Variants in NOL4 observed in about 807,000 individuals in gnomAD.
The protein encoded by NOL4 is nucleolar protein 4.
In NOL4, 17 loss-of-function variants were observed where a neutral mutation model predicts 75.9. That is an observed-to-expected ratio of 0.22 (90% CI 0.15 to 0.34). The LOEUF (loss-of-function observed/expected upper bound fraction) is 0.34. Among genes scored for constraint, NOL4 ranks in the 10% least tolerant of loss-of-function variants. The probability of loss-of-function intolerance (pLI) is 1.00; values close to 1 mark genes in which losing one functional copy is unlikely to be tolerated. For synonymous variants in NOL4, 292 were observed against 289.9 expected (o/e 1.01, Z -0.07); for missense variants, 614 against 793.5 (o/e 0.77, Z 2.72).
intron 1 of NOL4, among the ~76,000 whole-genome samples, chr18:34,159,479 G>C (rs1470451053): frequency 2.0e-5 from 3 of 152,152 alleles, no homozygotes; most frequent in Non-Finnish European, 2.9e-5. Flanking sequence ...CCTGATCCGT[G>C]GATGCCGCCG....
chr18:34,076,761 C>T (rs2077762324), intron 5 of NOL4, among the ~76,000 whole-genome samples: 1 of 152,162 alleles, frequency 6.6e-6, no homozygotes, highest in Non-Finnish European at 1.5e-5. Flanking sequence ...AATGGTAAAT[C>T]ATATTGAATA....
chr18:33,904,352 A>G (rs1484087760), intron 9 of NOL4, among the ~76,000 whole-genome samples: 1 of 151,940 alleles, frequency 6.6e-6, no homozygotes, highest in East Asian at 1.9e-4. Flanking sequence ...AAAAAGTAGA[A>G]TCCTATGTCC....
chr18:34,071,632 C>T (rs1001283410), intron 5 of NOL4, among the ~76,000 whole-genome samples: 9 of 152,266 alleles, frequency 5.9e-5, no homozygotes, highest in African/African-American at 1.9e-4. Flanking sequence ...ATACTCAACA[C>T]TTTATTATAA....
chr18:33,889,859 A>G (rs150566103), intron 9 of NOL4, among the ~76,000 whole-genome samples: 2,169 of 152,294 alleles, frequency 0.014, 52 homozygotes, highest in African/African-American at 0.049. Flanking sequence ...AAAAACTCTC[A>G]ATAAACTAGG....
At chr18:34,202,199 C>G (rs2035791421) in intron 1 of NOL4, among the ~76,000 whole-genome samples, 1 of 151,790 alleles carries the variant, frequency 6.6e-6, no homozygotes, top group African/African-American at 2.4e-5. Flanking sequence ...TAAGCACTTG[C>G]TCTGAGTTAG....
intron 5 of NOL4, among the ~76,000 whole-genome samples, chr18:34,046,659 A>G (rs1268003220): frequency 1.2e-5 from 1 of 85,064 alleles, no homozygotes; most frequent in African/African-American, 4.2e-5. Flanking sequence ...TTACTCTGCT[A>G]TCTCAATAAA....
intron 1 of NOL4, among the ~76,000 whole-genome samples, chr18:34,190,164 C>G (rs929096027): frequency 4.6e-5 from 7 of 151,706 alleles, no homozygotes; most frequent in Admixed American, 1.3e-4. Context: ...GGCAGGAATT[C>G]AGATTTATAA....
chr18:34,032,543 C>T (rs1339570357), intron 5 of NOL4, among the ~76,000 whole-genome samples: 1 of 152,182 alleles, frequency 6.6e-6, no homozygotes, highest in East Asian at 1.9e-4. Flanking sequence ...CAGCTGGCAT[C>T]TATCTGCACA....
intron 1 of NOL4, among the ~76,000 whole-genome samples, chr18:34,187,762 A>C (rs994131837): frequency 3.3e-5 from 5 of 152,100 alleles, no homozygotes; most frequent in African/African-American, 1.2e-4. Context: ...CTGCTGAAGA[A>C]CTTGTTACTT....
chr18:34,044,445 G>A (rs1296482377), intron 5 of NOL4, among the ~76,000 whole-genome samples: 1 of 151,720 alleles, frequency 6.6e-6, no homozygotes, highest in East Asian at 1.9e-4. Flanking sequence ...CAAATTAAAA[G>A]TTATTAAATT....
intron 10 of NOL4, among the ~76,000 whole-genome samples, chr18:33,878,727 GA>G (rs1246671931): frequency 6.6e-5 from 10 of 151,858 alleles, no homozygotes; most frequent in Non-Finnish European, 4.4e-5. Context: ...CCGGGAAAAG[GA>G]GATATATTTT....
At chr18:33,962,733 A>AAAATAAGAATAAATCT (rs1199529502) in intron 6 of NOL4, among the ~76,000 whole-genome samples, 19 of 152,318 alleles carry the variant, frequency 1.2e-4, no homozygotes, top group Admixed American at 3.3e-4. Flanking sequence ...TTTTAAATCT[A>AAAATAAGAATAAATCT]AAATGTAATA....
intron 9 of NOL4, among the ~76,000 whole-genome samples, chr18:33,936,453 G>T (rs1358119816): frequency 7.0e-6 from 1 of 142,186 alleles, no homozygotes; most frequent in Non-Finnish European, 1.5e-5. Context: ...TAAGTTTTCA[G>T]TACTTTATTT....
intron 1 of NOL4, among the ~76,000 whole-genome samples, chr18:34,162,586 G>C (rs1313217096): frequency 1.3e-5 from 2 of 152,136 alleles, no homozygotes; most frequent in Non-Finnish European, 2.9e-5. Context: ...TGAAATTGTG[G>C]CAATAATCAA....
intron 9 of NOL4, among the ~76,000 whole-genome samples, chr18:33,936,809 T>C (rs914265596): frequency 2.0e-5 from 3 of 152,132 alleles, no homozygotes; most frequent in Non-Finnish European, 4.4e-5. Flanking sequence ...TCAAGCCTGT[T>C]AATAAAATGT....
rs989882657 is a variant in NOL4 at position 33,883,501 on chromosome 18, A to T, written c.1543-77T>A. 7 of 1,107,410 alleles carry T rather than the reference A, an allele frequency of 6.3e-6. No homozygotes were observed. In the African/African-American group the frequency reaches 9.4e-5, roughly 15 times the overall value. The allele number at this position is 1,107,410 out of a possible 1,614,324, so 68.6% of individuals were successfully genotyped here. ...CCTTGAACAGGACTACCTTATTGTT[A>T]TCTAAATACCTGCATTGAATAAGAA... On this transcript the variant is annotated intron_variant, in intron 9 of 10. Transcript: ENST00000261592.
chr18:34,035,177 A>G (rs149847334), intron 5 of NOL4, among the ~76,000 whole-genome samples: 2 of 152,308 alleles, frequency 1.3e-5, no homozygotes, highest in Non-Finnish European at 1.5e-5. Flanking sequence ...GTTCTCATCA[A>G]CACATAGAAT....
At chr18:33,881,259 T>C (rs1000946773) in intron 10 of NOL4, among the ~76,000 whole-genome samples, 3 of 150,328 alleles carry the variant, frequency 2.0e-5, no homozygotes, top group Non-Finnish European at 3.0e-5. Context: ...CTTAAGGAGA[T>C]TTTGGGCTGA....
chr18:33,952,391 C>T (rs2069299325), intron 8 of NOL4, among the ~76,000 whole-genome samples: 1 of 152,134 alleles, frequency 6.6e-6, no homozygotes, highest in Admixed American at 6.6e-5. Context: ...GCAGCAGTCT[C>T]ATATGATGAA....
Sources: gnomAD v4.1 joint callset for allele counts (sites outside exome capture counted in the v4.1 genomes callset) on GRCh38, gnomAD v4.1.1 for gene constraint, MANE v1.5 for transcripts, NCBI Gene and HGNC (gene_info 2026-07-23, HGNC 2026-07-21) for gene names.